HECTD4: variants seen among roughly 807,000 people sequenced by gnomAD.
HECTD4 encodes the protein probable E3 ubiquitin-protein ligase HECTD4.
A neutral mutation model predicts 471.5 loss-of-function variants in HECTD4; 114 were observed. That is an observed-to-expected ratio of 0.24 (90% CI 0.21 to 0.28). The LOEUF (loss-of-function observed/expected upper bound fraction) is 0.28. Ranked by LOEUF, HECTD4 falls within the 10% of genes least tolerant of loss-of-function variation. The probability of loss-of-function intolerance (pLI) is 1.00; values close to 1 mark genes in which losing one functional copy is unlikely to be tolerated. For synonymous variants in HECTD4, 2,012 were observed against 2,256.0 expected (o/e 0.89, Z 3.07); for missense variants, 3,866 against 5,651.5 (o/e 0.68, Z 10.13).
chr12:112,162,725 T>C lies in HECTD4; in HGVS notation c.13121-202A>G, dbSNP rs965661140. The C allele has an allele frequency of 1.7e-6, 1 of 604,238 alleles. No homozygotes were observed. The highest frequency in any genetic ancestry group is 2.9e-6 in the Non-Finnish European group (1 of 349,790). 37.4% of individuals were successfully genotyped at this position (604,238 alleles called of 1,614,324 possible). ...GGGGAGAGAGCTGCTGGACAGCGCA[T>C]GTGCCAAACTGCTGATGGGTTTGTC... On this transcript the variant is annotated intron_variant, in intron 75 of 75. Coordinates refer to ENST00000682272, the MANE Select transcript of HECTD4 (RefSeq NM_001388303.1). This position sits in a 1 kb window ranked among gnomAD's most constrained non-coding sequence, Gnocchi z 5.2.
At chr12:112,357,511 AAAAC>A (rs549490741) in intron 1 of HECTD4, among the ~76,000 whole-genome samples, 8 of 152,166 alleles carry the variant, frequency 5.3e-5, no homozygotes, top group East Asian at 1.9e-4. Flanking sequence ...AAGGATAGAG[AAAAC>A]AAACAAACAA....
chr12:112,359,942 A>C (rs1264852961), intron 1 of HECTD4, among the ~76,000 whole-genome samples: 2 of 152,192 alleles, frequency 1.3e-5, no homozygotes, highest in Non-Finnish European at 2.9e-5. Context: ...GAGCTGCTAC[A>C]AAGCCCAAAG....
Position 112,236,933 on chromosome 12 carries a change from G to T in HECTD4, c.5444+12C>A. 1 of 1,587,354 alleles carries T rather than the reference G, an allele frequency of 6.3e-7. No individual in the cohort carries two copies. On this transcript the variant is annotated intron_variant, in intron 35 of 75. Coordinates refer to ENST00000682272, the MANE Select transcript of HECTD4 (RefSeq NM_001388303.1). ...CAGCTTCTCCCAGAGCTCCAGGCTG[G>T]ACCTTGCATACCTTGAGAGATCATT...
chr12:112,316,273 G>C (rs972903843), intron 2 of HECTD4, among the ~76,000 whole-genome samples: 1 of 152,036 alleles, frequency 6.6e-6, no homozygotes. Context: ...ATCATCCAGG[G>C]CCCAGTTCAA....
In HECTD4 at chr12:112,381,105, A is replaced by C. The variant is rs1030739348; in HGVS notation, c.177+847T>G. On this transcript the variant is annotated intron_variant, in intron 1 of 75. Coordinates refer to ENST00000682272, the MANE Select transcript of HECTD4 (RefSeq NM_001388303.1). The surrounding 1 kb of genome is among the most constrained non-coding windows in gnomAD (Gnocchi z 4.1). Reference sequence around the variant, plus strand: ...GCCTCCATGAAACGACACTGCCAGTATTCCCACCTCTAGGCAAACACGAAC... The same window carrying C: ...GCCTCCATGAAACGACACTGCCAGTCTTCCCACCTCTAGGCAAACACGAAC... Among the ~76,000 whole-genome samples, 7 of 152,176 alleles carry C rather than the reference A, an allele frequency of 4.6e-5. 1 individual carries two copies. The highest frequency in any genetic ancestry group is 2.1e-4 in the South Asian group (1 of 4,820).
chr12:112,278,211 G>C (rs1001379795), intron 9 of HECTD4, among the ~76,000 whole-genome samples: 2 of 152,122 alleles, frequency 1.3e-5, no homozygotes, highest in Non-Finnish European at 2.9e-5. Flanking sequence ...GGGAGTAGGA[G>C]AGCAACTGTT....
chr12:112,311,177 G>C (rs2035362396), intron 4 of HECTD4, among the ~76,000 whole-genome samples: 1 of 151,932 alleles, frequency 6.6e-6, no homozygotes, highest in Non-Finnish European at 1.5e-5. Context: ...CAGGAGAATT[G>C]CTTGAACCTG....
intron 60 of HECTD4, among the ~76,000 whole-genome samples, chr12:112,186,209 A>G (rs2031855501): frequency 6.6e-6 from 1 of 150,898 alleles, no homozygotes; most frequent in African/African-American, 2.4e-5. Flanking sequence ...AGGCTGGTCT[A>G]GAACTCCTGG....
At chr12:112,232,855 C>T (rs1164039036) in intron 38 of HECTD4, 149 bp downstream of exon 38, 9 of 587,424 alleles carry the variant, frequency 1.5e-5, no homozygotes, top group Admixed American at 3.0e-5. Context: ...TTAAAATGGC[C>T]TCAGTTAAGG....
chr12:112,373,237 T>TCC (rs1281445521), intron 1 of HECTD4, among the ~76,000 whole-genome samples: 7 of 152,166 alleles, frequency 4.6e-5, no homozygotes, highest in Non-Finnish European at 1.0e-4. Context: ...GTTTCCTCAT[T>TCC]TATAAAATAA....
chr12:112,227,679 C>T (rs562112603), intron 43 of HECTD4, among the ~76,000 whole-genome samples: 11 of 152,008 alleles, frequency 7.2e-5, no homozygotes, highest in African/African-American at 2.2e-4. Flanking sequence ...GCTCTTGTTG[C>T]CCAGGCTGGA....
At chr12:112,350,671 CA>C (rs578119404) in intron 1 of HECTD4, among the ~76,000 whole-genome samples, 80 of 152,282 alleles carry the variant, frequency 5.3e-4, no homozygotes, top group Non-Finnish European at 4.1e-4. Flanking sequence ...TAGTGTCCCT[CA>C]AGTGAGTAAG....
intron 21 of HECTD4, among the ~76,000 whole-genome samples, chr12:112,255,279 G>T (rs1230181770): frequency 6.6e-6 from 1 of 152,204 alleles, no homozygotes; most frequent in Non-Finnish European, 1.5e-5. Flanking sequence ...CAGGAGCTAT[G>T]AATTACGGTG....
At chr12:112,221,763 T>C (rs1232992444) in intron 44 of HECTD4, among the ~76,000 whole-genome samples, 1 of 151,410 alleles carries the variant, frequency 6.6e-6, no homozygotes, top group Non-Finnish European at 1.5e-5. Context: ...CTTTTCTTTT[T>C]TTTTTTTTTG....
intron 1 of HECTD4, among the ~76,000 whole-genome samples, chr12:112,380,626 A>C (rs1447780787): frequency 6.6e-6 from 1 of 152,004 alleles, no homozygotes; most frequent in Admixed American, 6.6e-5. Context: ...GACACAATAA[A>C]ACGATGATTC....
At position 112,213,895 on chromosome 12, in the gene HECTD4, G is replaced by A. The variant is rs564904032; in HGVS notation, c.7466-1245C>T. Among the ~76,000 whole-genome samples, 1 of 151,502 alleles carries A rather than the reference G, an allele frequency of 6.6e-6. No homozygotes were observed. Among genetic ancestry groups the A allele is most frequent in the East Asian group, 1.9e-4 (1 of 5,146 alleles). ...AAATTAGTCAGGCATGGTAGTGTGT[G>A]CCTATGGTCCCAGTTACTCAGGAGG... On this transcript the variant is annotated intron_variant, in intron 48 of 75. Transcript: ENST00000682272. This position sits in a 1 kb window ranked among gnomAD's most constrained non-coding sequence, Gnocchi z 4.0.
At chr12:112,300,864 C>T (rs1008673606) in intron 7 of HECTD4, among the ~76,000 whole-genome samples, 2 of 151,924 alleles carry the variant, frequency 1.3e-5, no homozygotes, top group African/African-American at 4.8e-5. Flanking sequence ...ACTACTGCAC[C>T]CAGCCTGTAT....
rs540711961 is a variant in HECTD4 at position 112,333,266 on chromosome 12, G to A, written c.178-13524C>T. 5.3e-5 allele frequency among the ~76,000 whole-genome samples: 8 copies of A among 152,268 alleles called. No homozygotes were observed. The South Asian group carries it at 1.7e-3, about 32-fold the overall frequency. On this transcript the variant is annotated intron_variant, in intron 1 of 75. Transcript: ENST00000682272. ...TTAACTCTATGTTTACCATCTAGAG[G>A]AAATGCTAGACTGTTTTCCTAGATG... is the stretch of plus-strand genomic sequence containing the variant.
rs762242239 is a variant in HECTD4, at chr12:112,243,972, G to A, written c.4551C>T (p.His1517=). 16 of 1,613,852 alleles carry A rather than the reference G, an allele frequency of 9.9e-6. No homozygotes were observed. The highest frequency in any genetic ancestry group is 5.0e-5 in the Admixed American group (3 of 59,994). The stretch of plus-strand genomic sequence containing the variant: ...GAAGAAAAACAGGCTGCCTGACAGC[G>A]TGAGATATCACTTTTGTTTCAGAAG... The part of the protein sequence containing the change: ...KSASETKVIS[H]AVRQPVFLRS... Residue 1517 remains histidine (H), a synonymous_variant, in exon 30 of 76, where the codon CAC becomes CAT. Transcript: ENST00000682272. The surrounding 1 kb of genome is among the most constrained non-coding windows in gnomAD (Gnocchi z 6.6).
Sources: gnomAD v4.1 joint callset for allele counts (sites outside exome capture counted in the v4.1 genomes callset) on GRCh38, gnomAD v4.1.1 for gene constraint, Gnocchi (gnomAD v3.1) non-coding constraint, MANE v1.5 for transcripts, NCBI Gene and HGNC (gene_info 2026-07-23, HGNC 2026-07-21) for gene names.